SLC14A2: variants seen among roughly 807,000 people sequenced by gnomAD.
SLC14A2 encodes the protein solute carrier family 14 member 2.
In SLC14A2, 91 loss-of-function variants were observed where a neutral mutation model predicts 104.6. That is an observed-to-expected ratio of 0.87 (90% CI 0.73 to 1.04). The LOEUF (loss-of-function observed/expected upper bound fraction) is 1.04. SLC14A2 is among the 50% of genes least tolerant of loss of function. SLC14A2 has a pLI of 0.00. For missense variants in SLC14A2, 1,189 were observed against 1,156.0 expected, an observed-to-expected ratio of 1.03 and a Z score of -0.41; for synonymous variants, 476 against 466.4, an observed-to-expected ratio of 1.02 and a Z score of -0.27.
chr18:45,450,175 ACAGAGT>A (rs1337172122), intron 1 of SLC14A2, among the ~76,000 whole-genome samples: 1 of 152,252 alleles, frequency 6.6e-6, no homozygotes, highest in African/African-American at 2.4e-5. Flanking sequence ...TCAGTCCAAG[ACAGAGT>A]CAGACAGCAC....
chr18:45,283,309 G>A (rs1242521783), intron 1 of SLC14A2, among the ~76,000 whole-genome samples: 1 of 140,592 alleles, frequency 7.1e-6, no homozygotes, highest in African/African-American at 2.8e-5. Flanking sequence ...AAATGCTGCA[G>A]TCACTAGCAC....
chr18:45,499,400 C>T (rs186321067), intron 2 of SLC14A2, among the ~76,000 whole-genome samples: 62 of 152,302 alleles, frequency 4.1e-4, no homozygotes. Flanking sequence ...GAGTGCTCGA[C>T]ATTCAGAGGT....
chr18:45,480,946 T>TA (rs2087480690), intron 1 of SLC14A2, among the ~76,000 whole-genome samples: 1 of 151,912 alleles, frequency 6.6e-6, no homozygotes, highest in East Asian at 1.9e-4. Flanking sequence ...TATATATATA[T>TA]TAAGACTCAC....
chr18:45,634,415 G>T (rs768311132), intron 5 of SLC14A2, among the ~76,000 whole-genome samples: 3 of 152,230 alleles, frequency 2.0e-5, no homozygotes, highest in Non-Finnish European at 4.4e-5. Flanking sequence ...TAAGTGCTTT[G>T]AGGAAAGCAA....
intron 10 of SLC14A2, among the ~76,000 whole-genome samples, chr18:45,662,801 T>A (rs577643313): frequency 6.6e-6 from 1 of 152,116 alleles, no homozygotes; most frequent in Non-Finnish European, 1.5e-5. Flanking sequence ...CTAACTCTAG[T>A]GTGTACTGGA....
intron 1 of SLC14A2, among the ~76,000 whole-genome samples, chr18:45,272,667 G>T (rs1013070615): frequency 1.3e-5 from 2 of 152,040 alleles, no homozygotes; most frequent in Non-Finnish European, 2.9e-5. Context: ...AAAATAGAAT[G>T]AATGAATAAG....
At chr18:45,553,300 C>G (rs9959391) in intron 2 of SLC14A2, among the ~76,000 whole-genome samples, 5,138 of 152,270 alleles carry the variant, frequency 0.034, 305 homozygotes, top group African/African-American at 0.12. Flanking sequence ...TTTCAGGCCC[C>G]CTATGTCACT....
chr18:45,370,224 G>A (rs1002845612), intron 1 of SLC14A2, among the ~76,000 whole-genome samples: 1 of 152,118 alleles, frequency 6.6e-6, no homozygotes. Context: ...GAGAACCCAG[G>A]GTGACGAATG....
At chr18:45,424,726 A>T (rs2086400046) in intron 1 of SLC14A2, among the ~76,000 whole-genome samples, 1 of 152,220 alleles carries the variant, frequency 6.6e-6, no homozygotes, top group Non-Finnish European at 1.5e-5. Flanking sequence ...AAGGTAAGAG[A>T]CTTTTCAAGA....
chr18:45,596,795 C>G (rs1259570488), intron 2 of SLC14A2, among the ~76,000 whole-genome samples: 1 of 152,150 alleles, frequency 6.6e-6, no homozygotes, highest in African/African-American at 2.4e-5. Context: ...AAGTACCTTC[C>G]CATACCAACA....
intron 1 of SLC14A2, among the ~76,000 whole-genome samples, chr18:45,215,542 G>A (rs1030040053): frequency 6.6e-6 from 1 of 152,218 alleles, no homozygotes; most frequent in African/African-American, 2.4e-5. Context: ...ATCATAAGAA[G>A]TCAAGTCTGA....
chr18:45,632,294 A>T, intron 4 of SLC14A2, 56 bp from the exon 5 acceptor site: 1 of 1,583,608 alleles, frequency 6.3e-7, no homozygotes, highest in South Asian at 1.2e-5. Context: ...ACCAGGAGGG[A>T]GGGGCCCAGT....
intron 1 of SLC14A2, among the ~76,000 whole-genome samples, chr18:45,252,447 G>C (rs2084433057): frequency 6.6e-6 from 1 of 152,154 alleles, no homozygotes; most frequent in South Asian, 2.1e-4. Context: ...AGACATCAAT[G>C]AATGTAAAGA....
chr18:45,415,083 T>A (rs1432023505), intron 1 of SLC14A2, among the ~76,000 whole-genome samples: 1 of 152,008 alleles, frequency 6.6e-6, no homozygotes, highest in Non-Finnish European at 1.5e-5. Context: ...TGAAGCAAAT[T>A]TTTATAAATT....
At chr18:45,500,306 G>T (rs968998214) in intron 2 of SLC14A2, among the ~76,000 whole-genome samples, 1 of 151,710 alleles carries the variant, frequency 6.6e-6, no homozygotes, top group Non-Finnish European at 1.5e-5. Flanking sequence ...GGCCGGGCGC[G>T]GTGGCTCACG....
chr18:45,305,087 A>G (rs2085005380), intron 1 of SLC14A2, among the ~76,000 whole-genome samples: 1 of 152,188 alleles, frequency 6.6e-6, no homozygotes, highest in Non-Finnish European at 1.5e-5. Flanking sequence ...CTGGGTTGGG[A>G]AAGTGCTGAT....
At chr18:45,304,996 G>C (rs780046359) in intron 1 of SLC14A2, among the ~76,000 whole-genome samples, 4 of 148,250 alleles carry the variant, frequency 2.7e-5, no homozygotes, top group Non-Finnish European at 6.0e-5. Flanking sequence ...GAGTGTTGGA[G>C]AGGCAGAAAC....
At chr18:45,473,191 G>C (rs1179405908) in intron 1 of SLC14A2, among the ~76,000 whole-genome samples, 1 of 152,148 alleles carries the variant, frequency 6.6e-6, no homozygotes, top group African/African-American at 2.4e-5. Context: ...GGTTGTAGAT[G>C]TGTGGCATTA....
chr18:45,586,854 G>T (rs961706210), intron 2 of SLC14A2, among the ~76,000 whole-genome samples: 3 of 152,046 alleles, frequency 2.0e-5, no homozygotes, highest in African/African-American at 7.3e-5. Flanking sequence ...AGTCTTGGGG[G>T]TATGAGGAGC....
Sources: gnomAD v4.1 joint callset for allele counts (sites outside exome capture counted in the v4.1 genomes callset) on GRCh38, gnomAD v4.1.1 for gene constraint, MANE v1.5 for transcripts, NCBI Gene and HGNC (gene_info 2026-07-23, HGNC 2026-07-21) for gene names.